ASH1L: variants seen among roughly 807,000 people sequenced by gnomAD.
ASH1L encodes histone-lysine N-methyltransferase ASH1L.
In ASH1L, 23 loss-of-function variants were observed where a neutral mutation model predicts 269.0. That is an observed-to-expected ratio of 0.09 (90% CI 0.06 to 0.12). ASH1L has a LOEUF of 0.12. ASH1L is among the 10% of genes least tolerant of loss of function. ASH1L has a pLI of 1.00. For missense variants in ASH1L, 2,912 were observed against 3,567.8 expected, an observed-to-expected ratio of 0.82 and a Z score of 4.68; for synonymous variants, 1,187 against 1,253.5, an observed-to-expected ratio of 0.95 and a Z score of 1.12.
rs774587917 is a variant in ASH1L, at chr1:155,521,564, G to C, written c.-45C>G. 13 of 1,535,440 alleles carry C rather than the reference G, an allele frequency of 8.5e-6. No individual in the cohort carries two copies. The South Asian group carries it at 1.4e-4, about 16-fold the overall frequency. ...CAAGGAATCTTATGAAAATTTTACA[G>C]AACTGTGTTCCATAAAAAACAAGGA... is the stretch of plus-strand genomic sequence containing the variant. On this transcript the variant is annotated 5_prime_UTR_variant, in exon 2 of 28. Coordinates refer to ENST00000392403, the MANE Select transcript of ASH1L (RefSeq NM_018489.3).
rs773522157 is a variant in ASH1L, at chr1:155,344,193, C to T, written c.7971G>A (p.Leu2657=). The T allele has an allele frequency of 6.2e-7, 1 of 1,613,972 alleles. No individual in the cohort carries two copies. The highest frequency in any genetic ancestry group is 1.3e-5 in the African/African-American group (1 of 74,888). The change falls in exon 22 of 28, where the codon CTG becomes CTA. Residue 2657 remains leucine, a synonymous_variant. Coordinates refer to ENST00000392403, the MANE Select transcript of ASH1L (RefSeq NM_018489.3). The part of the protein sequence containing the change: ...YFICLLRDDL[L]LRQGDCVYLM... Reference sequence around the variant, plus strand: ...CTCCTGTATACATACCCTGACGAAGCAGCAAGTCATCTCGGAGCAAACAGA... The same window carrying T: ...CTCCTGTATACATACCCTGACGAAGTAGCAAGTCATCTCGGAGCAAACAGA...
Position 155,350,924 on chromosome 1 carries a change from A to AG in ASH1L, c.7367-1329_7367-1328insC, listed in dbSNP as rs950408609. Among the ~76,000 whole-genome samples the AG allele has an allele frequency of 4.0e-5, 6 of 149,332 alleles. No individual in the cohort carries two copies. In the East Asian group the frequency reaches 7.9e-4, roughly 20 times the overall value. Reference sequence around the variant, plus strand: ...CGACAGAACAGGACTCCGTCCTAAAAAAAAAAAGAAAAAGAAAAAGAAAAA... The same window carrying AG: ...CGACAGAACAGGACTCCGTCCTAAAAGAAAAAAAGAAAAAGAAAAAGAAAAA... On this transcript the variant is annotated intron_variant, in intron 17 of 27. Transcript: ENST00000392403.
chr1:155,343,685 C>T lies in ASH1L; in HGVS notation c.8039G>A (p.Arg2680His), dbSNP rs1196906886. 2.5e-6 allele frequency: 4 copies of T among 1,614,028 alleles called. No individual in the cohort carries two copies. Among genetic ancestry groups the T allele is most frequent in the Middle Eastern group, 1.6e-4 (1 of 6,084 alleles). Residue 2680 changes from arginine (R) to histidine (H), a missense_variant, in exon 23 of 28, where the codon CGT becomes CAT. By Grantham distance (29) the Arg-to-His change is conservative (BLOSUM62 0). This residue lies in a region of ASH1L where 179 missense variants were observed against 293.8 expected (regional missense o/e 0.61). Coordinates refer to ENST00000392403, the MANE Select transcript of ASH1L (RefSeq NM_018489.3). The surrounding 1 kb of genome is among the most constrained non-coding windows in gnomAD (Gnocchi z 6.1). ...GTGAGATAACAGTCGATAGGACTGA[C>T]GGACCGGGTGGCCATCAGGGGTGCG... The part of the protein sequence containing the change: ...SRRTPDGHPV[R>H]QSYRLLSHIN...
At chr1:155,558,042 C>T (rs1443996123) in intron 1 of ASH1L, among the ~76,000 whole-genome samples, 3 of 152,226 alleles carry the variant, frequency 2.0e-5, no homozygotes, top group Admixed American at 2.0e-4. Context: ...GACTTCTCCA[C>T]TGTGTGCTTC....
At chr1:155,421,857 A>G (rs1340041746) in intron 5 of ASH1L, among the ~76,000 whole-genome samples, 2 of 152,072 alleles carry the variant, frequency 1.3e-5, no homozygotes, top group East Asian at 1.9e-4. Context: ...TGCATATACC[A>G]TAATATCTAC....
intron 1 of ASH1L, among the ~76,000 whole-genome samples, chr1:155,537,262 T>A (rs1447370416): frequency 6.6e-6 from 1 of 152,140 alleles, no homozygotes; most frequent in African/African-American, 2.4e-5. Context: ...GCTTGGGCAT[T>A]ATTCACTCAC....
chr1:155,562,779 C>T lies in ASH1L; in HGVS notation c.-726G>A, dbSNP rs1207414779. ...CGCCGGCGCAGGCCCTCACGCGTAC[C>T]TTCAACGGCGCAAGCCCAAGCCTCC... On this transcript the variant is annotated 5_prime_UTR_variant, in exon 1 of 28. Transcript: ENST00000392403. The T allele has an allele frequency of 1.4e-5, 11 of 800,268 alleles. No homozygotes were observed. Among genetic ancestry groups the T allele is most frequent in the Non-Finnish European group, 2.2e-5 (11 of 491,688 alleles). 49.6% of individuals were successfully genotyped at this position (800,268 alleles called of 1,614,324 possible).
At chr1:155,546,241 G>C (rs1014011854) in intron 1 of ASH1L, among the ~76,000 whole-genome samples, 4 of 151,182 alleles carry the variant, frequency 2.6e-5, no homozygotes, top group African/African-American at 9.7e-5. Flanking sequence ...TGAGGCAGGA[G>C]AATCGCTTGA....
chr1:155,366,075 GT>G (rs1325229846), intron 12 of ASH1L, among the ~76,000 whole-genome samples: 1 of 152,100 alleles, frequency 6.6e-6, no homozygotes, highest in Non-Finnish European at 1.5e-5. Context: ...TTCCCAATAG[GT>G]TAGGCATTCT....
intron 2 of ASH1L, among the ~76,000 whole-genome samples, chr1:155,486,429 A>C (rs920003105): frequency 7.0e-6 from 1 of 143,176 alleles, no homozygotes; most frequent in African/African-American, 2.6e-5. Context: ...TACCAAAAAT[A>C]AAAAAAAAAA....
chr1:155,504,611 T>C (rs1178609773), intron 2 of ASH1L, among the ~76,000 whole-genome samples: 1 of 152,168 alleles, frequency 6.6e-6, no homozygotes, highest in Non-Finnish European at 1.5e-5. Flanking sequence ...CCCAGCACTT[T>C]GGGAGGCCAA....
chr1:155,419,161 G>T (rs1455721090), intron 5 of ASH1L, among the ~76,000 whole-genome samples: 1 of 152,150 alleles, frequency 6.6e-6, no homozygotes, highest in Non-Finnish European at 1.5e-5. Context: ...AGCACTTTGT[G>T]TGGCTGACGC....
At chr1:155,510,299 A>G (rs1182401132) in intron 2 of ASH1L, among the ~76,000 whole-genome samples, 1 of 151,212 alleles carries the variant, frequency 6.6e-6, no homozygotes, top group African/African-American at 2.4e-5. Flanking sequence ...CTGTAATCCC[A>G]GCTACTCAAG....
chr1:155,346,483 T>A lies in ASH1L; in HGVS notation c.7804-14A>T. On this transcript the variant is annotated splice_polypyrimidine_tract_variant and intron_variant, in intron 20 of 27. Transcript: ENST00000392403. Reference sequence around the variant, plus strand: ...GTGCTGCCATACCTGTAGAAAAACATACAGTTTGGGGAACATGGAGGCTAT... The same window carrying A: ...GTGCTGCCATACCTGTAGAAAAACAAACAGTTTGGGGAACATGGAGGCTAT... The A allele has an allele frequency of 1.2e-6, 2 of 1,610,784 alleles. No individual in the cohort carries two copies. The highest frequency in any genetic ancestry group is 1.7e-4 in the Middle Eastern group (1 of 6,046).
intron 10 of ASH1L, among the ~76,000 whole-genome samples, chr1:155,374,186 A>G (rs1272799277): frequency 6.6e-6 from 1 of 152,082 alleles, no homozygotes; most frequent in African/African-American, 2.4e-5. Context: ...AAAATTAGCC[A>G]GGCGTGGTGG....
At chr1:155,354,259 A>G (rs1654174585) in intron 16 of ASH1L, among the ~76,000 whole-genome samples, 1 of 152,222 alleles carries the variant, frequency 6.6e-6, no homozygotes, top group Non-Finnish European at 1.5e-5. Flanking sequence ...CCTGGCCAAC[A>G]TGGCAAAACC....
chr1:155,395,390 A>G (rs1373675026), intron 7 of ASH1L, 69 bp downstream of exon 7: 1 of 1,145,526 alleles, frequency 8.7e-7, no homozygotes, highest in Non-Finnish European at 1.2e-6. Flanking sequence ...AAGATTAAAA[A>G]GACATTTCCC....
At chr1:155,339,465 T>C (rs1397024086) in intron 25 of ASH1L, 97 bp from the exon 26 acceptor site, 13 of 1,036,470 alleles carry the variant, frequency 1.3e-5, no homozygotes, top group South Asian at 8.9e-5. Context: ...AGTAGGGCAG[T>C]AGACAAGTTG....
chr1:155,412,096 G>C (rs1659857335), intron 6 of ASH1L, among the ~76,000 whole-genome samples: 1 of 152,016 alleles, frequency 6.6e-6, no homozygotes, highest in Admixed American at 6.6e-5. Context: ...CAAAAAATTG[G>C]CTGGGCATGG....
Sources: allele counts gnomAD v4.1 joint callset (sites outside exome capture counted in the v4.1 genomes callset), GRCh38; gene constraint gnomAD v4.1.1; regional missense constraint gnomAD v4.1.1; non-coding constraint Gnocchi (gnomAD v3.1); transcripts MANE v1.5; gene names NCBI Gene and HGNC (gene_info 2026-07-23, HGNC 2026-07-21).